APLF: variants seen among roughly 807,000 people sequenced by gnomAD.
APLF encodes aprataxin and PNK-like factor.
A neutral mutation model predicts 55.6 loss-of-function variants in APLF; 61 were observed. The ratio of observed to expected loss-of-function variants is 1.10; its 90% confidence interval spans 0.89 to 1.36. APLF has a LOEUF of 1.36. Among genes scored for constraint, APLF ranks in the 40% most tolerant of loss-of-function variants. APLF has a pLI of 0.00. For missense variants in APLF, 611 were observed against 602.5 expected (o/e 1.01, Z -0.15); for synonymous variants, 207 against 214.8 (o/e 0.96, Z 0.32).
chr2:68,499,049 A>G (rs1309333786), intron 2 of APLF, among the ~76,000 whole-genome samples: 2 of 152,160 alleles, frequency 1.3e-5, no homozygotes, highest in Non-Finnish European at 2.9e-5. Flanking sequence ...ACAAACAAAC[A>G]AAACACTGAA....
chr2:68,483,854 G>A (rs1454957267), intron 1 of APLF, among the ~76,000 whole-genome samples: 1 of 151,990 alleles, frequency 6.6e-6, no homozygotes, highest in Non-Finnish European at 1.5e-5. Flanking sequence ...GAATTAATGC[G>A]ATATATTATA....
chr2:68,499,836 T>C (rs1048085414), intron 2 of APLF, among the ~76,000 whole-genome samples: 2 of 151,968 alleles, frequency 1.3e-5, no homozygotes, highest in Non-Finnish European at 2.9e-5. Flanking sequence ...AGACTCTGTC[T>C]CAAAAAAAGA....
chr2:68,505,089 TG>T (rs1037200376), intron 3 of APLF, among the ~76,000 whole-genome samples: 3 of 152,024 alleles, frequency 2.0e-5, no homozygotes, highest in Admixed American at 6.6e-5. Flanking sequence ...TAAATGTAAG[TG>T]GAAAAAAATG....
chr2:68,578,646 T>C lies in APLF; in HGVS notation c.*624T>C. The C allele has an allele frequency of 1.0e-6, 1 of 985,392 alleles. No homozygotes were observed. The highest frequency in any genetic ancestry group is 1.2e-6 in the Non-Finnish European group (1 of 829,894). 61.0% of individuals were successfully genotyped at this position (985,392 alleles called of 1,614,324 possible). ...TCACCATGTAGGGAATGTTATTTTG[T>C]GTTCCACATCTGCAATTTACTGTAT... is the stretch of plus-strand genomic sequence containing the variant. On this transcript the variant is annotated 3_prime_UTR_variant, in exon 10 of 10. Coordinates refer to ENST00000303795, the MANE Select transcript of APLF (RefSeq NM_173545.3).
chr2:68,547,986 TA>T (rs1670750342), intron 8 of APLF, among the ~76,000 whole-genome samples: 1 of 151,832 alleles, frequency 6.6e-6, no homozygotes, highest in East Asian at 1.9e-4. Context: ...ATCCAGAGAC[TA>T]AAATGGAATC....
In APLF at chr2:68,467,739, G is replaced by T; in HGVS notation, c.8G>T (p.Gly3Val). Residue 3 changes from glycine to valine, a missense_variant, in exon 1 of 10, where the codon GGG (glycine) becomes GTG (valine). Coordinates refer to ENST00000303795, the MANE Select transcript of APLF (RefSeq NM_173545.3). MS[G>V]GFELQPRDGG... ...GCCTAATCCTTGCCCGCCATGTCCG[G>T]GGGCTTCGAGCTGCAGCCGCGGGAC... 1 of 1,235,002 alleles carries T rather than the reference G, an allele frequency of 8.1e-7. No homozygotes were observed. The highest frequency in any genetic ancestry group is 1.0e-6 in the Non-Finnish European group (1 of 988,038). 76.5% of individuals were successfully genotyped at this position (1,235,002 alleles called of 1,614,324 possible). A position where few individuals can be genotyped will look rare whatever the true frequency, so the allele number is the denominator to read the frequency against.
chr2:68,556,030 GA>G (rs1207554944), intron 8 of APLF, among the ~76,000 whole-genome samples: 4 of 152,186 alleles, frequency 2.6e-5, no homozygotes, highest in Non-Finnish European at 5.9e-5. Context: ...AAGAAGGAAT[GA>G]ATTAATGGCA....
rs1046018536 is a variant in APLF at position 68,580,127 on chromosome 2, A to G, written c.*2105A>G. The G allele has an allele frequency of 2.0e-5, 19 of 940,022 alleles. No individual in the cohort carries two copies. The Admixed American group carries it at 5.6e-4, about 28-fold the overall frequency. The allele number at this position is 940,022 out of a possible 1,614,324, so 58.2% of individuals were successfully genotyped here. A position where few individuals can be genotyped will look rare whatever the true frequency, so the allele number is the denominator to read the frequency against. ...AATCATCCTGAAGACACTTTTGAGT[A>G]TAACTATTGTATAAATAAATGTATA... On this transcript the variant is annotated 3_prime_UTR_variant, in exon 10 of 10. Transcript: ENST00000303795.
In APLF at chr2:68,578,305, G is replaced by A; in HGVS notation, c.*283G>A. The A allele has an allele frequency of 9.1e-7, 1 of 1,096,992 alleles. No individual in the cohort carries two copies. The allele number at this position is 1,096,992 out of a possible 1,614,324, so 68.0% of individuals were successfully genotyped here. A position where few individuals can be genotyped will look rare whatever the true frequency, so the allele number is the denominator to read the frequency against. ...ATATTTTTTATGTACTTTGTATATT[G>A]GTAATAAAAAGTAAAAGCCATAGGT... is the stretch of plus-strand genomic sequence containing the variant. On this transcript the variant is annotated 3_prime_UTR_variant, in exon 10 of 10. Transcript: ENST00000303795.
Position 68,538,092 on chromosome 2 carries a change from G to A in APLF, c.1025G>A (p.Gly342Glu). 1 of 1,614,014 alleles carries A rather than the reference G, an allele frequency of 6.2e-7. No individual in the cohort carries two copies. The highest frequency in any genetic ancestry group is 1.1e-5 in the South Asian group (1 of 91,072). ...QGDSLQDESQ[G>E]SHSESSSNPS... ...GACTCACTTCAGGATGAGTCTCAAG[G>A]GTCTCATTCTGAGTCCAGCTCTAAT... The change falls in exon 7 of 10, where the codon GGG becomes GAG. Residue 342 changes from glycine (G) to glutamate (E), a missense_variant. Gly to Glu is a moderately conservative substitution (Grantham distance 98). Transcript: ENST00000303795.
Position 68,473,518 on chromosome 2 carries a change from A to C in APLF, c.96+5691A>C, listed in dbSNP as rs79502414. 2.1e-3 allele frequency among the ~76,000 whole-genome samples: 321 copies of C among 152,286 alleles called. 1 individual carries two copies. Among genetic ancestry groups the C allele is most frequent in the African/African-American group, 7.2e-3 (301 of 41,556 alleles). ...TCTTCAACTCATTTAGGTAGATACTAAGGAGCACAGTTGCTGGATTGGATA... is the reference window on the plus strand; with the variant it reads ...TCTTCAACTCATTTAGGTAGATACTCAGGAGCACAGTTGCTGGATTGGATA... On this transcript the variant is annotated intron_variant, in intron 1 of 9. Transcript: ENST00000303795.
chr2:68,535,224 A>T, intron 6 of APLF: 1 of 372,386 alleles, frequency 2.7e-6, no homozygotes. Context: ...GATACTATGG[A>T]TTTTGTTATA....
chr2:68,560,561 C>T lies in APLF; in HGVS notation c.1287-6780C>T, dbSNP rs187223547. Reference sequence around the variant, plus strand: ...CCTAAACTTTTTGTTACTTATGCACCTACATCATTAAAATCAGAATAATGT... The same window carrying T: ...CCTAAACTTTTTGTTACTTATGCACTTACATCATTAAAATCAGAATAATGT... On this transcript the variant is annotated intron_variant, in intron 8 of 9. Coordinates refer to ENST00000303795, the MANE Select transcript of APLF (RefSeq NM_173545.3). Among the ~76,000 whole-genome samples the T allele has an allele frequency of 4.9e-3, 751 of 151,846 alleles. 3 individuals carry two copies. Among genetic ancestry groups the T allele is most frequent in the Non-Finnish European group, 8.8e-3 (601 of 67,946 alleles).
intron 3 of APLF, among the ~76,000 whole-genome samples, chr2:68,506,302 TCA>T (rs1676871829): frequency 6.6e-6 from 1 of 151,074 alleles, no homozygotes; most frequent in African/African-American, 2.5e-5. Context: ...AATTGCAGTA[TCA>T]TCATGAGAGA....
intron 1 of APLF, among the ~76,000 whole-genome samples, chr2:68,481,724 T>G (rs1053573173): frequency 6.6e-6 from 1 of 152,164 alleles, no homozygotes; most frequent in Non-Finnish European, 1.5e-5. Context: ...TTTCTTTTCC[T>G]GGAATTCTCA....
At chr2:68,569,287 T>G (rs1258907196) in intron 9 of APLF, among the ~76,000 whole-genome samples, 1 of 151,780 alleles carries the variant, frequency 6.6e-6, no homozygotes, top group East Asian at 1.9e-4. Context: ...AGGGAGGGAG[T>G]ACTTTCTGCT....
chr2:68,540,588 T>C (rs1670520747), intron 7 of APLF, among the ~76,000 whole-genome samples: 2 of 152,212 alleles, frequency 1.3e-5, no homozygotes, highest in Admixed American at 1.3e-4. Flanking sequence ...ATTGTCACGC[T>C]ATCTTCCACA....
At position 68,513,147 on chromosome 2, in the gene APLF, C is replaced by T. The variant is rs769957704; in HGVS notation, c.409C>T (p.Pro137Ser). The change falls in exon 4 of 10, where the codon CCT becomes TCT. Residue 137 changes from proline to serine, a missense_variant. Coordinates refer to ENST00000303795, the MANE Select transcript of APLF (RefSeq NM_173545.3). ...ETPKSPVINL[P>S]HETTGASQLE... is the part of the protein sequence containing the mutation. The stretch of plus-strand genomic sequence containing the variant: ...ACCAAAATCCCCCGTGATTAATTTA[C>T]CTCATGAGACTACTGGTGCCTCACA... 23 of 1,611,250 alleles carry T rather than the reference C, an allele frequency of 1.4e-5. No individual in the cohort carries two copies. Among genetic ancestry groups the T allele is most frequent in the Non-Finnish European group, 1.9e-5 (22 of 1,178,344 alleles).
Position 68,577,868 on chromosome 2 carries a change from A to C in APLF, c.1382A>C (p.Glu461Ala). 6.2e-7 allele frequency: 1 copy of C among 1,613,596 alleles called. No individual in the cohort carries two copies. Among genetic ancestry groups the C allele is most frequent in the Non-Finnish European group, 8.5e-7 (1 of 1,179,658 alleles). ...AATGATAATGTTGGGCAACCCAATG[A>C]GTATGACCTGAACGACAGCTTTCTA... is the stretch of plus-strand genomic sequence containing the variant. ...EDNDNVGQPNEYDLNDSFLDD... is the reference protein window; with the variant it reads ...EDNDNVGQPNAYDLNDSFLDD... The change falls in exon 10 of 10, where the codon GAG becomes GCG. Residue 461 changes from glutamate to alanine, a missense_variant. Transcript: ENST00000303795.
Sources: allele counts gnomAD v4.1 joint callset (sites outside exome capture counted in the v4.1 genomes callset), GRCh38; gene constraint gnomAD v4.1.1; transcripts MANE v1.5; gene names NCBI Gene and HGNC (gene_info 2026-07-23, HGNC 2026-07-21).